Variants in PCDHGB1 observed in about 807,000 individuals in gnomAD.
PCDHGB1 encodes protocadherin gamma-B1.
A neutral mutation model predicts 56.6 loss-of-function variants in PCDHGB1; 34 were observed. The observed-to-expected ratio is 0.60, with a 90% confidence interval of 0.46 to 0.80. The LOEUF is 0.80. PCDHGB1 is among the 30% of genes least tolerant of loss of function. The pLI, the probability that PCDHGB1 is intolerant of heterozygous loss-of-function variation, is 0.00. For synonymous variants in PCDHGB1, 561 were observed against 505.9 expected (o/e 1.11, Z -1.46); for missense variants, 1,278 against 1,204.6 (o/e 1.06, Z -0.90).
rs747671382 is a variant in PCDHGB1 at position 141,444,152 on chromosome 5, A to ATTTTTTT, written c.2410-50625_2410-50619dup. On this transcript the variant is annotated intron_variant, in intron 1 of 3. Coordinates refer to ENST00000523390, the MANE Select transcript of PCDHGB1 (RefSeq NM_018922.3). ...GATATGTGTCACTTGTGTGTACTGG[A>ATTTTTTT]TTTTTTTTTTTTTTTTTTTTTTTTT... Among the ~76,000 whole-genome samples, 8 of 33,896 alleles carry ATTTTTTT rather than the reference A, an allele frequency of 2.4e-4. 2 individuals are homozygous for ATTTTTTT. The highest frequency in any genetic ancestry group is 2.1e-3 in the South Asian group (2 of 962). 22.2% of individuals were successfully genotyped at this position (33,896 alleles called of 152,430 possible).
chr5:141,413,575 G>A lies in PCDHGB1; in HGVS notation c.2409+60906G>A, dbSNP rs762938003. The stretch of plus-strand genomic sequence containing the variant: ...AGAAGTAACTGATATCAATGACAAT[G>A]CTCCAAAATTCCAAGCAGAAAATCT... On this transcript the variant is annotated intron_variant, in intron 1 of 3. Transcript: ENST00000523390. 4.3e-6 allele frequency: 7 copies of A among 1,613,886 alleles called. No individual in the cohort carries two copies. In the South Asian group the frequency reaches 6.6e-5, roughly 15 times the overall value.
intron 2 of PCDHGB1, 62 bp downstream of exon 2, chr5:141,494,927 G>C: frequency 6.2e-7 from 1 of 1,613,516 alleles, no homozygotes; most frequent in Non-Finnish European, 8.5e-7. Context: ...GATGACGTGG[G>C]AGGAGATGGG....
At chr5:141,458,594 G>T (rs1226490392) in intron 1 of PCDHGB1, among the ~76,000 whole-genome samples, 1 of 151,612 alleles carries the variant, frequency 6.6e-6, no homozygotes, top group Non-Finnish European at 1.5e-5. Context: ...TTTTGGAGAC[G>T]AGTCTCACTC....
chr5:141,399,411 C>G lies in PCDHGB1; in HGVS notation c.2409+46742C>G, dbSNP rs375057054. 3.4e-5 allele frequency: 55 copies of G among 1,613,900 alleles called. No individual in the cohort carries two copies. In the African/African-American group the frequency reaches 5.3e-4, roughly 16 times the overall value. On this transcript the variant is annotated intron_variant, in intron 1 of 3. Transcript: ENST00000523390. ...CCACAGACAGGGGCAAGCCGCCCCT[C>G]TCCTCCAGCATAAGCGTCATCCTAC...
Position 141,485,713 on chromosome 5 carries a change from G to T in PCDHGB1, c.2410-9094G>T. On this transcript the variant is annotated intron_variant, in intron 1 of 3. Transcript: ENST00000523390. The surrounding 1 kb of genome is among the most constrained non-coding windows in gnomAD (Gnocchi z 5.7). ...TGAGCTCCAATGAACACTTTGCACT[G>T]GATGTGAAGAAGCGCAGCGACGGCA... 1 of 1,614,202 alleles carries T rather than the reference G, an allele frequency of 6.2e-7. No individual in the cohort carries two copies. The highest frequency in any genetic ancestry group is 8.5e-7 in the Non-Finnish European group (1 of 1,180,038).
intron 1 of PCDHGB1, among the ~76,000 whole-genome samples, chr5:141,470,842 C>A (rs2099241464): frequency 6.6e-6 from 1 of 152,044 alleles, no homozygotes; most frequent in Non-Finnish European, 1.5e-5. Context: ...CACACGCCAC[C>A]ATGCTCAGAT....
chr5:141,384,294 C>A, intron 1 of PCDHGB1: 1 of 1,613,864 alleles, frequency 6.2e-7, no homozygotes. Context: ...CTGAGAACAA[C>A]CCCAGAGGGG....
intron 1 of PCDHGB1, chr5:141,422,006 C>G: frequency 6.2e-7 from 1 of 1,609,754 alleles, no homozygotes; most frequent in Non-Finnish European, 8.5e-7. Flanking sequence ...AGCTCCGGAA[C>G]TCGGGTGCTG....
chr5:141,427,099 A>G (rs989437547), intron 1 of PCDHGB1: 3 of 457,936 alleles, frequency 6.6e-6, no homozygotes, highest in African/African-American at 6.0e-5. Context: ...GAGGGTGTCA[A>G]TGCGGAGATC....
chr5:141,492,043 TC>T (rs1323524482), intron 1 of PCDHGB1: 5 of 518,152 alleles, frequency 9.6e-6, no homozygotes, highest in Non-Finnish European at 1.7e-5. Context: ...CAGTCACAGA[TC>T]CACCCCTGCA....
rs375524878 is a variant in PCDHGB1, at chr5:141,350,770, C to T, written c.510C>T (p.Asn170=). ...EGNSLKLYTI[N]PNQYFSLSTK... Reference sequence around the variant, plus strand: ...ATTCACTGAAGTTATACACCATCAACCCCAATCAATACTTCTCTCTGTCAA... The same window carrying T: ...ATTCACTGAAGTTATACACCATCAATCCCAATCAATACTTCTCTCTGTCAA... Residue 170 remains asparagine (N), a synonymous_variant, in exon 1 of 4, where the codon AAC becomes AAT. Coordinates refer to ENST00000523390, the MANE Select transcript of PCDHGB1 (RefSeq NM_018922.3). The T allele has an allele frequency of 1.1e-4, 177 of 1,613,924 alleles. No individual in the cohort carries two copies. The African/African-American group carries it at 2.2e-3, about 20-fold the overall frequency.
chr5:141,407,548 G>A (rs2094952527), intron 1 of PCDHGB1, among the ~76,000 whole-genome samples: 1 of 151,388 alleles, frequency 6.6e-6, no homozygotes, highest in Non-Finnish European at 1.5e-5. Context: ...GTAACAGATT[G>A]TAGAACATAA....
At position 141,351,592 on chromosome 5, in the gene PCDHGB1, T is replaced by C. The variant is rs78745319; in HGVS notation, c.1332T>C (p.Asn444=). 37,092 of 1,613,926 alleles carry C rather than the reference T, an allele frequency of 0.023. 971 individuals carry two copies. The highest frequency in any genetic ancestry group is 0.14 in the African/African-American group (10,248 of 74,994). Residue 444 remains asparagine, a synonymous_variant, in exon 1 of 4, where the codon AAT becomes AAC. Transcript: ENST00000523390. ...TGCACATCTCCGACATCAACGACAA[T>C]GCACCTGTTTTCCATCAGGCCTCCT... ...ITLHISDIND[N]APVFHQASYV...
intron 1 of PCDHGB1, chr5:141,410,107 G>A: frequency 3.1e-6 from 5 of 1,612,702 alleles, no homozygotes; most frequent in Non-Finnish European, 4.2e-6. Flanking sequence ...TAGGCGACAG[G>A]GACGCAGCCC....
rs570083634 is a variant in PCDHGB1, at chr5:141,427,859, C to G, written c.2410-66948C>G. 25 of 1,556,390 alleles carry G rather than the reference C, an allele frequency of 1.6e-5. No homozygotes were observed. The Admixed American group carries it at 2.0e-4, about 13-fold the overall frequency. ...CCTTCGACCACGAGCAGCTGTGCGC[C>G]TTCGAGCTCACGATGCAGGCCCACG... On this transcript the variant is annotated intron_variant, in intron 1 of 3. Coordinates refer to ENST00000523390, the MANE Select transcript of PCDHGB1 (RefSeq NM_018922.3).
intron 1 of PCDHGB1, chr5:141,389,267 G>A: frequency 6.2e-7 from 1 of 1,614,008 alleles, no homozygotes; most frequent in African/African-American, 1.3e-5. Flanking sequence ...ACGTGGCCGA[G>A]AACAACCCGC....
At chr5:141,353,863 T>C (rs773709033) in intron 1 of PCDHGB1, among the ~76,000 whole-genome samples, 4 of 152,250 alleles carry the variant, frequency 2.6e-5, no homozygotes, top group Non-Finnish European at 5.9e-5. Context: ...ACGTTTAATC[T>C]ACTCTCTCAA....
At chr5:141,433,004 T>G (rs368646186) in intron 1 of PCDHGB1, 48 of 1,614,028 alleles carry the variant, frequency 3.0e-5, no homozygotes, top group Non-Finnish European at 3.4e-5. Context: ...GGTGCAGGCT[T>G]TCCTGCAGAC....
chr5:141,371,913 G>C, intron 1 of PCDHGB1: 1 of 1,613,394 alleles, frequency 6.2e-7, no homozygotes, highest in African/African-American at 1.3e-5. Context: ...CTACGTGTCC[G>C]TGAGCGCGCG....
Sources: allele counts gnomAD v4.1 joint callset (sites outside exome capture counted in the v4.1 genomes callset), GRCh38; gene constraint gnomAD v4.1.1; non-coding constraint Gnocchi (gnomAD v3.1); transcripts MANE v1.5; gene names NCBI Gene and HGNC (gene_info 2026-07-23, HGNC 2026-07-21).